The following LOXL3 variants were observed in gnomAD, a reference collection of about 807,000 sequenced individuals.
LOXL3 encodes the protein lysyl oxidase homolog 3.
In LOXL3, 60 loss-of-function variants were observed where a neutral mutation model predicts 91.8. The ratio of observed to expected loss-of-function variants is 0.65; its 90% CI spans 0.53 to 0.81. The LOEUF is 0.81. Ranked by LOEUF, LOXL3 falls within the 30% of genes least tolerant of loss-of-function variation. The pLI, the probability that LOXL3 is intolerant of heterozygous loss-of-function variation, is 0.00. For synonymous variants in LOXL3, 355 were observed against 387.6 expected (o/e 0.92, Z 0.99); for missense variants, 874 against 1,000.4 (o/e 0.87, Z 1.70).
chr2:74,533,880 A>G lies in LOXL3; in HGVS notation c.2188+2T>C. 6.2e-7 allele frequency: 1 copy of G among 1,609,530 alleles called. No individual in the cohort carries two copies. The highest frequency in any genetic ancestry group is 2.2e-5 in the East Asian group (1 of 44,850). On this transcript the variant is annotated splice_donor_variant, in intron 13 of 13. Transcript: ENST00000264094. LOFTEE classifies it high-confidence loss of function. ...TCCTGGGTTGCTCTTCCCATCAAAT[A>G]CCAATGTGGCAGTTGTGCACCCAGA...
At position 74,534,653 on chromosome 2, in the gene LOXL3, T is replaced by C. The variant is rs1431628903; in HGVS notation, c.1701A>G (p.Ser567=). 1 of 1,614,094 alleles carries C rather than the reference T, an allele frequency of 6.2e-7. No individual in the cohort carries two copies. The highest frequency in any genetic ancestry group is 2.2e-5 in the East Asian group (1 of 44,894). The part of the protein sequence containing the change: ...EENCLASSAR[S]ANWPYGHRRL... ...GCCGGTGACCATAGGGCCAGTTGGC[T>C]GAGCGGGCTGAGCTGGCCAGGCAGT... The change falls in exon 10 of 14, where the codon TCA becomes TCG. Residue 567 remains serine (S), a synonymous_variant. Coordinates refer to ENST00000264094, the MANE Select transcript of LOXL3 (RefSeq NM_032603.5).
intron 4 of LOXL3, among the ~76,000 whole-genome samples, chr2:74,544,165 G>A (rs1168536566): frequency 6.6e-6 from 1 of 152,062 alleles, no homozygotes; most frequent in Non-Finnish European, 1.5e-5. Flanking sequence ...TTAGCTGGGC[G>A]TGGTGGGCAC....
Position 74,532,539 on chromosome 2 carries a change from G to A in LOXL3, c.*1067C>T, listed in dbSNP as rs2104379559. The A allele has an allele frequency of 9.5e-7, 1 of 1,053,142 alleles. No individual in the cohort carries two copies. Among genetic ancestry groups the A allele is most frequent in the Non-Finnish European group, 1.5e-6 (1 of 683,624 alleles). The allele number at this position is 1,053,142 out of a possible 1,614,324, so 65.2% of individuals were successfully genotyped here. ...GTCCTGTCCATATATTTATCAATGT[G>A]TTGATGAGAGACTTGAGGTGGAACT... On this transcript the variant is annotated 3_prime_UTR_variant, in exon 14 of 14. Coordinates refer to ENST00000264094, the MANE Select transcript of LOXL3 (RefSeq NM_032603.5).
At chr2:74,551,670 C>T (rs1451923221) in intron 2 of LOXL3, among the ~76,000 whole-genome samples, 4 of 152,272 alleles carry the variant, frequency 2.6e-5, no homozygotes, top group African/African-American at 4.8e-5. Context: ...ACAGCATCTA[C>T]AAATGACACT....
Position 74,535,891 on chromosome 2 carries a change from G to T in LOXL3, c.1248+105C>A. 1 of 1,479,774 alleles carries T rather than the reference G, an allele frequency of 6.8e-7. No homozygotes were observed. Among genetic ancestry groups the T allele is most frequent in the Non-Finnish European group, 9.0e-7 (1 of 1,110,232 alleles). The allele number at this position is 1,479,774 out of a possible 1,614,324, so 91.7% of individuals were successfully genotyped here. A position where few individuals can be genotyped will look rare whatever the true frequency, so the allele number is the denominator to read the frequency against. On this transcript the variant is annotated intron_variant, in intron 7 of 13. Transcript: ENST00000264094. This position sits in a 1 kb window ranked among gnomAD's most constrained non-coding sequence, Gnocchi z 4.2. ...ATGGGTCAGGTGGGAGCTGCAGGAG[G>T]GCAGGGGCCTGGGGCAATGGGCTGG...
chr2:74,550,323 G>T lies in LOXL3; in HGVS notation c.339C>A (p.Ser113Arg), dbSNP rs2104445711. ...TCACACTCTGCTCGGTCCCACTGCAGCTCAAGTTGTCCAGCCAGATGCGGC... is the reference window on the plus strand; with the variant it reads ...TCACACTCTGCTCGGTCCCACTGCATCTCAAGTTGTCCAGCCAGATGCGGC... Reference protein sequence around the residue: ...GTGRIWLDNLSCSGTEQSVTE... With the variant: ...GTGRIWLDNLRCSGTEQSVTE... Residue 113 changes from serine (S) to arginine (R), a missense_variant, in exon 3 of 14, where the codon AGC becomes AGA. By Grantham distance (110) the Ser-to-Arg change is moderately radical. Transcript: ENST00000264094. The T allele has an allele frequency of 1.2e-6, 2 of 1,613,994 alleles. No individual in the cohort carries two copies. Among genetic ancestry groups the T allele is most frequent in the South Asian group, 2.2e-5 (2 of 91,062 alleles).
At position 74,552,380 on chromosome 2, in the gene LOXL3, C is replaced by T; in HGVS notation, c.255G>A (p.Glu85=). ...TLQAAHILCR[E]LGFTEATGWT... is the part of the protein sequence containing the mutation. ...AGCCTGTGGCCTCTGTGAAGCCCAG[C>T]TCCCGGCAGAGGATGTGGGCAGCCT... Residue 85 remains glutamate (E), a synonymous_variant, in exon 2 of 14, where the codon GAG becomes GAA. Coordinates refer to ENST00000264094, the MANE Select transcript of LOXL3 (RefSeq NM_032603.5). The T allele has an allele frequency of 6.2e-7, 1 of 1,612,992 alleles. No homozygotes were observed. The highest frequency in any genetic ancestry group is 1.1e-5 in the South Asian group (1 of 91,074).
At chr2:74,555,035 C>T, upstream of LOXL3, 2 of 1,428,072 alleles carry the variant, frequency 1.4e-6, no homozygotes, top group East Asian at 2.5e-5. This position sits in a 1 kb window ranked among gnomAD's most constrained non-coding sequence, Gnocchi z 6.1. Context: ...AACTTCGCCC[C>T]CAACCCCGTT....
intron 1 of LOXL3, among the ~76,000 whole-genome samples, chr2:74,553,364 C>T (rs966242841): frequency 4.6e-5 from 7 of 152,210 alleles, no homozygotes; most frequent in African/African-American, 1.4e-4. Context: ...CGCAGGCTCT[C>T]AGATGCCCTG....
chr2:74,532,604 T>A lies in LOXL3; in HGVS notation c.*1002A>T. On this transcript the variant is annotated 3_prime_UTR_variant, in exon 14 of 14. Transcript: ENST00000264094. ...TGCCTGGGTTTGGCTAATAGGGTGATCTGTGTACTTTCAGCATCCTTGCTG... is the reference window on the plus strand; with the variant it reads ...TGCCTGGGTTTGGCTAATAGGGTGAACTGTGTACTTTCAGCATCCTTGCTG... 6.2e-7 allele frequency: 1 copy of A among 1,610,544 alleles called. No homozygotes were observed. Among genetic ancestry groups the A allele is most frequent in the Non-Finnish European group, 8.5e-7 (1 of 1,177,634 alleles).
upstream of LOXL3, chr2:74,554,994 C>T (rs1030185107): frequency 8.7e-6 from 12 of 1,377,100 alleles, no homozygotes; most frequent in Non-Finnish European, 1.2e-5. This position sits in a 1 kb window ranked among gnomAD's most constrained non-coding sequence, Gnocchi z 4.9. Context: ...GGTTCTGGTC[C>T]TGGGGAGACG....
upstream of LOXL3, chr2:74,554,476 CCA>C (rs958457327): frequency 2.5e-5 from 13 of 522,728 alleles, no homozygotes; most frequent in African/African-American, 2.0e-4. The surrounding 1 kb of genome is among the most constrained non-coding windows in gnomAD (Gnocchi z 4.9). Flanking sequence ...GCCACCACGC[CCA>C]GAGGCCAGGG....
chr2:74,555,701 G>C (rs768075705), upstream of LOXL3: 6 of 1,612,964 alleles, frequency 3.7e-6, no homozygotes, highest in Non-Finnish European at 5.1e-6. This position sits in a 1 kb window ranked among gnomAD's most constrained non-coding sequence, Gnocchi z 6.1. Flanking sequence ...CAGGGATGGA[G>C]TGAAGAGGAG....
In LOXL3 at chr2:74,535,742, CCACT is replaced by C. The variant is rs1466225690; in HGVS notation, c.1258_1261del (p.Ser420GlyfsTer14). The C allele has an allele frequency of 6.3e-7, 1 of 1,574,942 alleles. No individual in the cohort carries two copies. The highest frequency in any genetic ancestry group is 8.6e-7 in the Non-Finnish European group (1 of 1,166,172). ...TCGCCCCTCATGTTGGCTGCGGCCC[CCACT>C]GAGTCGGATCTGTAGTGACACAGAA... On this transcript the variant is annotated frameshift_variant, in exon 8 of 14. Coordinates refer to ENST00000264094, the MANE Select transcript of LOXL3 (RefSeq NM_032603.5). LOFTEE classifies it high-confidence loss of function. This position sits in a 1 kb window ranked among gnomAD's most constrained non-coding sequence, Gnocchi z 4.2.
rs541454291 is a variant in LOXL3, at chr2:74,535,207, C to T, written c.1579+85G>A. On this transcript the variant is annotated intron_variant, in intron 9 of 13. Coordinates refer to ENST00000264094, the MANE Select transcript of LOXL3 (RefSeq NM_032603.5). The surrounding 1 kb of genome is among the most constrained non-coding windows in gnomAD (Gnocchi z 4.2). ...GGCTCTTTTATGGGGAAGAAGTGCC[C>T]CTCCAGATTACAGCCCCCTTTCCCT... 6.9e-7 allele frequency: 1 copy of T among 1,455,666 alleles called. No individual in the cohort carries two copies. Among genetic ancestry groups the T allele is most frequent in the Non-Finnish European group, 9.3e-7 (1 of 1,079,102 alleles). 90.2% of individuals were successfully genotyped at this position (1,455,666 alleles called of 1,614,324 possible).
Position 74,535,265 on chromosome 2 carries a change from G to C in LOXL3, c.1579+27C>G. The C allele has an allele frequency of 6.3e-7, 1 of 1,594,264 alleles. No homozygotes were observed. Among genetic ancestry groups the C allele is most frequent in the Non-Finnish European group, 8.6e-7 (1 of 1,167,954 alleles). ...GGTGGCCCAGACACTCCCTTCCCTG[G>C]CATGCATCACCCCCTCCTTCACTCA... On this transcript the variant is annotated intron_variant, in intron 9 of 13. Coordinates refer to ENST00000264094, the MANE Select transcript of LOXL3 (RefSeq NM_032603.5). The surrounding 1 kb of genome is among the most constrained non-coding windows in gnomAD (Gnocchi z 4.2).
intron 4 of LOXL3, among the ~76,000 whole-genome samples, chr2:74,540,997 C>T (rs1006662868): frequency 6.6e-5 from 10 of 152,180 alleles, no homozygotes; most frequent in Admixed American, 4.6e-4. Flanking sequence ...GTTCCTGCTC[C>T]GCTGTTTCTC....
At chr2:74,550,934 GTTTTTTT>G (rs1030182702) in intron 2 of LOXL3, among the ~76,000 whole-genome samples, 1 of 135,400 alleles carries the variant, frequency 7.4e-6, no homozygotes. Flanking sequence ...TCTGAAACCT[GTTTTTTT>G]TTTTTTTTTG....
At chr2:74,550,398 G>A (rs955592426) in intron 2 of LOXL3, 50 bp from the exon 3 acceptor site, 5 of 1,574,772 alleles carry the variant, frequency 3.2e-6, no homozygotes, top group Non-Finnish European at 4.3e-6. Context: ...GGGAGGATGG[G>A]GGAGTAATGG....
Sources: gnomAD v4.1 joint callset for allele counts (sites outside exome capture counted in the v4.1 genomes callset) on GRCh38, gnomAD v4.1.1 for gene constraint, Gnocchi (gnomAD v3.1) non-coding constraint, MANE v1.5 for transcripts, NCBI Gene and HGNC (gene_info 2026-07-23, HGNC 2026-07-21) for gene names.